The following PELI1 variants were observed in gnomAD, a reference collection of about 807,000 sequenced individuals.
PELI1 encodes pellino E3 ubiquitin protein ligase 1, also known as E3 ubiquitin-protein ligase pellino homolog 1.
A neutral mutation model predicts 41.3 loss-of-function variants in PELI1; 15 were observed. The observed-to-expected ratio is 0.36, with a 90% CI of 0.24 to 0.56. The LOEUF is 0.56. PELI1 is among the 20% of genes least tolerant of loss of function. PELI1 has a pLI of 0.82. For missense variants in PELI1, 403 were observed against 525.5 expected (o/e 0.77, Z 2.28); for synonymous variants, 178 against 180.1 (o/e 0.99, Z 0.09).
At chr2:64,122,120 A>G (rs1310739722) in intron 1 of PELI1, among the ~76,000 whole-genome samples, 1 of 151,990 alleles carries the variant, frequency 6.6e-6, no homozygotes, top group East Asian at 1.9e-4. Context: ...AAATACAAAA[A>G]CAAAACATAA....
intron 1 of PELI1, among the ~76,000 whole-genome samples, chr2:64,134,109 C>T (rs1681644710): frequency 6.6e-6 from 1 of 152,110 alleles, no homozygotes; most frequent in Admixed American, 6.5e-5. Flanking sequence ...GAATCATTAG[C>T]AGCCTACTCA....
intron 1 of PELI1, among the ~76,000 whole-genome samples, chr2:64,137,534 T>C (rs1372595107): frequency 1.3e-5 from 2 of 152,162 alleles, no homozygotes; most frequent in Non-Finnish European, 2.9e-5. Flanking sequence ...TCCAAATTAG[T>C]ATGGTGCCTT....
chr2:64,117,804 T>C (rs1285726200), intron 1 of PELI1, among the ~76,000 whole-genome samples: 1 of 152,096 alleles, frequency 6.6e-6, no homozygotes, highest in African/African-American at 2.4e-5. Context: ...ATCATAATGT[T>C]TTCCCAATAA....
chr2:64,135,680 T>C (rs370512576), intron 1 of PELI1, among the ~76,000 whole-genome samples: 2 of 152,314 alleles, frequency 1.3e-5, no homozygotes, highest in African/African-American at 4.8e-5. Flanking sequence ...CTTGAACCTG[T>C]TGCTGTAAAA....
At chr2:64,107,167 G>A (rs189051233) in intron 2 of PELI1, among the ~76,000 whole-genome samples, 1 of 152,084 alleles carries the variant, frequency 6.6e-6, no homozygotes, top group Non-Finnish European at 1.5e-5. Flanking sequence ...GAGCTCAGGT[G>A]ATCTGCCCAC....
intron 4 of PELI1, among the ~76,000 whole-genome samples, chr2:64,098,473 C>CCAT (rs1042406070): frequency 2.6e-5 from 4 of 152,154 alleles, no homozygotes; most frequent in African/African-American, 9.7e-5. Context: ...TGCTTCTTTG[C>CCAT]CATCTCTTTT....
chr2:64,105,685 G>A (rs939151073), intron 2 of PELI1, among the ~76,000 whole-genome samples: 2 of 152,198 alleles, frequency 1.3e-5, no homozygotes, highest in Non-Finnish European at 2.9e-5. Flanking sequence ...CACTGGCAAA[G>A]CCAGAATTTG....
chr2:64,110,175 G>A (rs570273868), intron 1 of PELI1, among the ~76,000 whole-genome samples: 2 of 149,488 alleles, frequency 1.3e-5, no homozygotes, highest in East Asian at 3.9e-4. Flanking sequence ...AACCCGGGAG[G>A]CAGAGCTTGC....
intron 2 of PELI1, among the ~76,000 whole-genome samples, 177 bp from the exon 3 acceptor site, chr2:64,105,007 C>G (rs751072751): frequency 6.6e-5 from 10 of 152,158 alleles, no homozygotes; most frequent in Non-Finnish European, 1.2e-4. Context: ...GTGTGTGAAA[C>G]AAAATGAGAT....
At chr2:64,127,293 C>T (rs986734958) in intron 1 of PELI1, among the ~76,000 whole-genome samples, 17 of 152,196 alleles carry the variant, frequency 1.1e-4, no homozygotes, top group African/African-American at 4.1e-4. Context: ...AATCCCAGAA[C>T]TTTGGGAGGC....
At chr2:64,135,078 C>T (rs1681670794) in intron 1 of PELI1, among the ~76,000 whole-genome samples, 2 of 152,030 alleles carry the variant, frequency 1.3e-5, no homozygotes, top group African/African-American at 4.8e-5. Flanking sequence ...CCCCTAAGGT[C>T]ATATATGGTT....
chr2:64,095,283 A>G lies in PELI1; in HGVS notation c.691-15T>C, dbSNP rs991258091. On this transcript the variant is annotated splice_polypyrimidine_tract_variant and intron_variant, in intron 6 of 6. Coordinates refer to ENST00000358912, the MANE Select transcript of PELI1 (RefSeq NM_020651.4). ...TCAATTTCCACCTAGAGGAGACAAG[A>G]GTTGAAAAACATATTCACCACTCTG... is the stretch of plus-strand genomic sequence containing the variant. 6.3e-7 allele frequency: 1 copy of G among 1,586,258 alleles called. No individual in the cohort carries two copies. The highest frequency in any genetic ancestry group is 1.3e-5 in the African/African-American group (1 of 74,326).
intron 1 of PELI1, among the ~76,000 whole-genome samples, chr2:64,122,454 T>C (rs1681256643): frequency 6.6e-6 from 1 of 152,080 alleles, no homozygotes; most frequent in South Asian, 2.1e-4. Flanking sequence ...CTATTTTTCT[T>C]ATTAGGTTTT....
chr2:64,100,536 C>T, intron 3 of PELI1, 37 bp from the exon 4 acceptor site: 1 of 937,730 alleles, frequency 1.1e-6, no homozygotes, highest in Non-Finnish European at 1.8e-6. Context: ...AATTAGTAGG[C>T]AGGTCAATCC....
chr2:64,142,607 A>G (rs989827271), intron 1 of PELI1, among the ~76,000 whole-genome samples: 2 of 152,194 alleles, frequency 1.3e-5, no homozygotes, highest in African/African-American at 4.8e-5. Context: ...AAAACAAGGA[A>G]TTCATATGCT....
chr2:64,103,085 C>A (rs1369485382), intron 3 of PELI1, among the ~76,000 whole-genome samples: 1 of 152,016 alleles, frequency 6.6e-6, no homozygotes, highest in African/African-American at 2.4e-5. Context: ...TCAAGTGATC[C>A]GCCCACCTTG....
In PELI1 at chr2:64,108,343, C is replaced by G; in HGVS notation, c.-33G>C. On this transcript the variant is annotated 5_prime_UTR_variant, in exon 2 of 7. Transcript: ENST00000358912. Reference sequence around the variant, plus strand: ...GCTGTCTTTCTCAAATCTTTGTTCACTGGTCAGGAGCCTTGGGACACCTTT... The same window carrying G: ...GCTGTCTTTCTCAAATCTTTGTTCAGTGGTCAGGAGCCTTGGGACACCTTT... 1 of 1,366,706 alleles carries G rather than the reference C, an allele frequency of 7.3e-7. No individual in the cohort carries two copies. The highest frequency in any genetic ancestry group is 1.0e-6 in the Non-Finnish European group (1 of 954,708). 84.7% of individuals were successfully genotyped at this position (1,366,706 alleles called of 1,614,324 possible). A position where few individuals can be genotyped will look rare whatever the true frequency, so the allele number is the denominator to read the frequency against.
At chr2:64,137,932 G>A (rs1265786249) in intron 1 of PELI1, among the ~76,000 whole-genome samples, 2 of 151,974 alleles carry the variant, frequency 1.3e-5, no homozygotes, top group East Asian at 3.9e-4. Flanking sequence ...AGCTTCCATG[G>A]TGACTACTCT....
intron 1 of PELI1, among the ~76,000 whole-genome samples, chr2:64,111,946 C>T (rs571208162): frequency 8.6e-5 from 13 of 151,794 alleles, no homozygotes; most frequent in South Asian, 2.1e-4. Flanking sequence ...ACATTTCTGA[C>T]GAAGAACAGC....
Sources: gnomAD v4.1 joint callset for allele counts (sites outside exome capture counted in the v4.1 genomes callset) on GRCh38, gnomAD v4.1.1 for gene constraint, MANE v1.5 for transcripts, NCBI Gene and HGNC (gene_info 2026-07-23, HGNC 2026-07-21) for gene names.